Variants in USH2A observed in about 807,000 individuals in gnomAD.
USH2A encodes usherin.
A neutral mutation model predicts 538.9 loss-of-function variants in USH2A; 443 were observed. The observed-to-expected ratio is 0.82, with a 90% CI of 0.76 to 0.89. The LOEUF is 0.89. Ranked by LOEUF, USH2A falls within the 40% of genes least tolerant of loss-of-function variation. The probability of loss-of-function intolerance (pLI) is 0.00; values close to 1 mark genes in which losing one functional copy is unlikely to be tolerated. For synonymous variants in USH2A, 2,413 were observed against 2,273.5 expected (o/e 1.06, Z -1.75); for missense variants, 6,633 against 6,324.8 (o/e 1.05, Z -1.65).
intron 9 of USH2A, among the ~76,000 whole-genome samples, chr1:216,297,320 T>C (rs2037127378): frequency 6.6e-6 from 1 of 152,106 alleles, no homozygotes. Context: ...TTAAAGAGGT[T>C]AAGTAACATT....
intron 36 of USH2A, 55 bp from the exon 37 acceptor site, chr1:215,965,534 G>T: frequency 6.3e-7 from 1 of 1,590,006 alleles, no homozygotes; most frequent in Non-Finnish European, 8.6e-7. Context: ...TACATGCTTC[G>T]CTTTGAGCAT....
chr1:215,677,411 C>T (rs1374565888), intron 62 of USH2A, among the ~76,000 whole-genome samples: 4 of 152,150 alleles, frequency 2.6e-5, no homozygotes, highest in African/African-American at 9.7e-5. Context: ...CCACAGTCTC[C>T]ACCTATTGCT....
intron 70 of USH2A, among the ~76,000 whole-genome samples, chr1:215,630,598 A>G (rs189213747): frequency 6.7e-6 from 1 of 148,558 alleles, no homozygotes; most frequent in Non-Finnish European, 1.5e-5. Context: ...CATGCCTGTA[A>G]TCCCAGCAAT....
At chr1:216,115,172 G>A (rs1271790084) in intron 21 of USH2A, among the ~76,000 whole-genome samples, 1 of 151,956 alleles carries the variant, frequency 6.6e-6, no homozygotes, top group Non-Finnish European at 1.5e-5. Context: ...TTTCTCTGTT[G>A]TAAGGCTTGA....
intron 40 of USH2A, among the ~76,000 whole-genome samples, chr1:215,899,140 G>C (rs933312253): frequency 2.6e-5 from 4 of 152,012 alleles, no homozygotes; most frequent in Admixed American, 1.3e-4. Flanking sequence ...AGGTATTATA[G>C]AAATAAAACA....
chr1:216,092,549 GA>G (rs2032326414), intron 22 of USH2A, among the ~76,000 whole-genome samples: 2 of 152,304 alleles, frequency 1.3e-5, no homozygotes, highest in Admixed American at 1.3e-4. Flanking sequence ...TGGAAAAAGA[GA>G]GCAAATAAGA....
chr1:216,054,910 G>C (rs1377308540), intron 30 of USH2A, among the ~76,000 whole-genome samples: 1 of 152,142 alleles, frequency 6.6e-6, no homozygotes, highest in African/African-American at 2.4e-5. Context: ...TGCACTTTTA[G>C]TCTGGCGGTG....
intron 26 of USH2A, among the ~76,000 whole-genome samples, chr1:216,082,486 C>G (rs1001246177): frequency 1.3e-5 from 2 of 148,440 alleles, no homozygotes; most frequent in Non-Finnish European, 3.0e-5. Context: ...AAAAGATGAA[C>G]GTATCTTAGA....
chr1:215,653,080 C>T (rs972809867), intron 64 of USH2A, among the ~76,000 whole-genome samples: 1 of 152,160 alleles, frequency 6.6e-6, no homozygotes, highest in Non-Finnish European at 1.5e-5. Flanking sequence ...GGCTTATGAA[C>T]ATTAACTTTT....
rs567600112 is a variant in USH2A, at chr1:216,378,288, A to G, written c.652-13203T>C. Among the ~76,000 whole-genome samples the G allele has an allele frequency of 3.9e-5, 6 of 152,328 alleles. No homozygotes were observed. The South Asian group carries it at 1.2e-3, about 32-fold the overall frequency. On this transcript the variant is annotated intron_variant, in intron 3 of 71. Transcript: ENST00000307340. ...AAGTGTAACGCTCATTTTCTGTCAC[A>G]TAATACTGTTCAGGATCTTTCATTG...
intron 21 of USH2A, among the ~76,000 whole-genome samples, chr1:216,113,725 A>T (rs2032932719): frequency 6.6e-6 from 1 of 151,942 alleles, no homozygotes; most frequent in Admixed American, 6.6e-5. Context: ...GTTATTTTTA[A>T]ATGTAAAAAG....
chr1:215,866,359 C>G (rs1477261705), intron 44 of USH2A, among the ~76,000 whole-genome samples: 3 of 152,270 alleles, frequency 2.0e-5, no homozygotes, highest in Admixed American at 2.0e-4. Flanking sequence ...GATTAGATTA[C>G]TCTGTGAACT....
intron 32 of USH2A, among the ~76,000 whole-genome samples, chr1:216,010,244 C>A (rs184548063): frequency 2.1e-3 from 313 of 152,282 alleles, no homozygotes; most frequent in African/African-American, 7.3e-3. Flanking sequence ...AGCGGCCAGG[C>A]CTTCCTCCAG....
rs547037798 is a variant in USH2A at position 216,127,280 on chromosome 1, TG to T, written c.4628-30068del. 1.0e-3 allele frequency among the ~76,000 whole-genome samples: 159 copies of T among 152,332 alleles called. 1 individual carries two copies. The highest frequency in any genetic ancestry group is 2.5e-3 in the Admixed American group (39 of 15,302). ...GACAATGGCCAAACTCTTTCATAAA[TG>T]TACTCATTGATGACTGAGATACAGA... On this transcript the variant is annotated intron_variant, in intron 21 of 71. Transcript: ENST00000307340.
intron 21 of USH2A, among the ~76,000 whole-genome samples, chr1:216,117,781 C>T (rs1226892282): frequency 6.6e-6 from 1 of 150,484 alleles, no homozygotes; most frequent in Non-Finnish European, 1.5e-5. Context: ...GAAACACAGA[C>T]ACACATACAC....
Position 216,021,266 on chromosome 1 carries a change from G to T in USH2A, c.6326-20704C>A, listed in dbSNP as rs531281039. On this transcript the variant is annotated intron_variant, in intron 32 of 71. Transcript: ENST00000307340. ...GTAGCTCCCATAATTCCCACGTGTT[G>T]TGGGAGGGACCCGGTGGGAGATGAT... Among the ~76,000 whole-genome samples, 3 of 152,236 alleles carry T rather than the reference G, an allele frequency of 2.0e-5. No homozygotes were observed. In the East Asian group the frequency reaches 5.8e-4, roughly 30 times the overall value.
intron 21 of USH2A, among the ~76,000 whole-genome samples, chr1:216,151,081 C>T (rs1023979943): frequency 1.3e-5 from 2 of 152,090 alleles, no homozygotes; most frequent in Non-Finnish European, 2.9e-5. Context: ...TATACCCAGC[C>T]CCGAAAATAA....
chr1:215,811,964 C>A (rs1571710660), intron 49 of USH2A, among the ~76,000 whole-genome samples: 1 of 144,788 alleles, frequency 6.9e-6, no homozygotes. Context: ...AAAAAACCAA[C>A]CAAAAAAACC....
chr1:215,966,252 G>T (rs532390060), intron 36 of USH2A, among the ~76,000 whole-genome samples: 1 of 152,158 alleles, frequency 6.6e-6, no homozygotes, highest in African/African-American at 2.4e-5. Flanking sequence ...TAAAATAAGT[G>T]GTCAGAGGAA....
Sources: gnomAD v4.1 joint callset for allele counts (sites outside exome capture counted in the v4.1 genomes callset) on GRCh38, gnomAD v4.1.1 for gene constraint, MANE v1.5 for transcripts, NCBI Gene and HGNC (gene_info 2026-07-23, HGNC 2026-07-21) for gene names.